The following NFIB variants were observed in gnomAD, a reference collection of about 807,000 sequenced individuals.
NFIB encodes the protein nuclear factor I B.
A neutral mutation model predicts 61.5 loss-of-function variants in NFIB; 11 were observed. The ratio of observed to expected loss-of-function variants is 0.18; its 90% CI spans 0.11 to 0.30. The LOEUF (loss-of-function observed/expected upper bound fraction) is 0.30. NFIB is among the 10% of genes least tolerant of loss of function. The pLI, the probability that NFIB is intolerant of heterozygous loss-of-function variation, is 1.00. For synonymous variants in NFIB, 260 were observed against 216.5 expected (o/e 1.20, Z -1.76); for missense variants, 471 against 608.9 (o/e 0.77, Z 2.38).
the NFIB span, among the ~76,000 whole-genome samples, chr9:14,463,872 G>T: frequency 6.6e-6 from 1 of 151,964 alleles, no homozygotes; most frequent in East Asian, 1.9e-4. Flanking sequence ...GTGTTAGCCA[G>T]GATGGCCTCG....
chr9:14,457,207 A>C, the NFIB span, among the ~76,000 whole-genome samples: 24 of 152,316 alleles, frequency 1.6e-4, 1 homozygote, highest in East Asian at 4.2e-3. Flanking sequence ...GGCTGTGGGA[A>C]GATGAACTGG....
chr9:14,177,575 A>G (rs1328680721), intron 3 of NFIB, among the ~76,000 whole-genome samples: 1 of 152,136 alleles, frequency 6.6e-6, no homozygotes, highest in Non-Finnish European at 1.5e-5. Flanking sequence ...ATAATTAAAT[A>G]AAATTCTAAT....
Position 14,359,664 on chromosome 9 carries a change from C to A in NFIB, c.108+38860G>T, listed in dbSNP as rs565860314. Among the ~76,000 whole-genome samples the A allele has an allele frequency of 4.4e-4, 67 of 152,168 alleles. 2 individuals are homozygous for A. In the Middle Eastern group the frequency reaches 0.017, roughly 39 times the overall value. Reference sequence around the variant, plus strand: ...AACTATTAATAATACACCAGCTCACCACTGCAGCACTAGTGTATGGTTGAG... The same window carrying A: ...AACTATTAATAATACACCAGCTCACAACTGCAGCACTAGTGTATGGTTGAG... On this transcript the variant is annotated intron_variant, in intron 1 of 8. Transcript: ENST00000380934.
Position 14,303,547 on chromosome 9 carries a change from T to C in NFIB, c.562+3442A>G, listed in dbSNP as rs1340155574. On this transcript the variant is annotated intron_variant, in intron 2 of 10. Coordinates refer to ENST00000380953, the MANE Select transcript of NFIB (RefSeq NM_001190737.2). ...TGTCCCAGTTTTTTTAGACAAAACC[T>C]AAAAAAAGGAAGAGTTTTATATTAG... Among the ~76,000 whole-genome samples the C allele has an allele frequency of 2.0e-5, 3 of 152,142 alleles. No individual in the cohort carries two copies. The East Asian group carries it at 5.8e-4, about 29-fold the overall frequency.
Position 14,307,562 on chromosome 9 carries a change from G to T in NFIB, c.31-42C>A. On this transcript the variant is annotated intron_variant, in intron 1 of 10. Coordinates refer to ENST00000380953, the MANE Select transcript of NFIB (RefSeq NM_001190737.2). This position sits in a 1 kb window ranked among gnomAD's most constrained non-coding sequence, Gnocchi z 5.3. ...GGTGAGGAAAAGATGTGCATAGTCA[G>T]TTTAATTTTAAAAGCTCAAAAAATA... 1 of 1,492,468 alleles carries T rather than the reference G, an allele frequency of 6.7e-7. No individual in the cohort carries two copies. The highest frequency in any genetic ancestry group is 1.5e-5 in the South Asian group (1 of 68,552). 92.5% of individuals were successfully genotyped at this position (1,492,468 alleles called of 1,614,324 possible).
At chr9:14,388,027 CAAG>C (rs1388545610) in intron 1 of NFIB, among the ~76,000 whole-genome samples, 1 of 151,900 alleles carries the variant, frequency 6.6e-6, no homozygotes. Flanking sequence ...TCTGTGTGCT[CAAG>C]AAGATGTACA....
At chr9:14,342,373 T>C (rs565647390) in intron 1 of NFIB, among the ~76,000 whole-genome samples, 1 of 151,878 alleles carries the variant, frequency 6.6e-6, no homozygotes, top group African/African-American at 2.4e-5. Context: ...GTGGCATGAA[T>C]TCCCTTTGCT....
At chr9:14,199,692 G>A (rs375625149) in intron 2 of NFIB, among the ~76,000 whole-genome samples, 42 of 152,242 alleles carry the variant, frequency 2.8e-4, no homozygotes, top group African/African-American at 9.6e-4. Flanking sequence ...CTTCCACTTG[G>A]TCATTTATTT....
chr9:14,323,335 T>A (rs2060706015), intron 1 of NFIB, among the ~76,000 whole-genome samples: 1 of 152,206 alleles, frequency 6.6e-6, no homozygotes, highest in Admixed American at 6.5e-5. Context: ...GCAAGCAGTT[T>A]TGATCAGCAT....
chr9:14,363,872 C>G (rs592182), intron 1 of NFIB, among the ~76,000 whole-genome samples: 152,067 of 152,280 alleles, frequency 1, 75,928 homozygotes, highest in Middle Eastern at 1. Flanking sequence ...TTGGTAAAAA[C>G]TTATCATCTT....
the NFIB span, among the ~76,000 whole-genome samples, chr9:14,527,793 C>G: frequency 1.3e-5 from 2 of 152,116 alleles, no homozygotes; most frequent in African/African-American, 2.4e-5. Flanking sequence ...CTATTAGTTT[C>G]TACCACATTT....
At chr9:14,242,820 G>A (rs1372086052) in intron 2 of NFIB, among the ~76,000 whole-genome samples, 1 of 152,178 alleles carries the variant, frequency 6.6e-6, no homozygotes, top group Non-Finnish European at 1.5e-5. Context: ...CCAAGATGGA[G>A]AGAAAAGAAA....
chr9:14,242,860 G>T (rs1375410527), intron 2 of NFIB, among the ~76,000 whole-genome samples: 1 of 152,150 alleles, frequency 6.6e-6, no homozygotes, highest in Admixed American at 6.5e-5. Flanking sequence ...TATTGAAATG[G>T]TTGTGATTTG....
At chr9:14,154,655 T>A (rs935979390) in intron 4 of NFIB, among the ~76,000 whole-genome samples, 2 of 152,130 alleles carry the variant, frequency 1.3e-5, no homozygotes, top group Admixed American at 6.6e-5. Context: ...AAAAGACCCA[T>A]GAGAGAAGTC....
chr9:14,281,031 G>A (rs559861210), intron 2 of NFIB, among the ~76,000 whole-genome samples: 65 of 152,228 alleles, frequency 4.3e-4, no homozygotes, highest in African/African-American at 1.5e-3. Context: ...GCCAAAATGG[G>A]ATATTATATT....
chr9:14,271,796 T>G (rs1172750280), intron 2 of NFIB, among the ~76,000 whole-genome samples: 2 of 152,120 alleles, frequency 1.3e-5, no homozygotes, highest in Non-Finnish European at 2.9e-5. Flanking sequence ...ACAAAGCCAT[T>G]TCACAGAGCA....
chr9:14,505,213 C>G, the NFIB span, among the ~76,000 whole-genome samples: 6 of 152,148 alleles, frequency 3.9e-5, no homozygotes, highest in African/African-American at 1.4e-4. Flanking sequence ...TTAGGGTTTT[C>G]TAGGTATATG....
At chr9:14,219,674 T>TA (rs938666005) in intron 2 of NFIB, among the ~76,000 whole-genome samples, 2 of 152,176 alleles carry the variant, frequency 1.3e-5, no homozygotes, top group Admixed American at 1.3e-4. Context: ...TGAGCAATGT[T>TA]AGAGATAAAT....
At position 14,127,546 on chromosome 9, in the gene NFIB, C is replaced by T. The variant is rs1356151733; in HGVS notation, c.926-1780G>A. On this transcript the variant is annotated intron_variant, in intron 6 of 10. Transcript: ENST00000380953. Reference sequence around the variant, plus strand: ...TGCTTCTAAGTAGTTCAGCATGTATCTCTAAAAGAAAATAAATCTTTATTA... The same window carrying T: ...TGCTTCTAAGTAGTTCAGCATGTATTTCTAAAAGAAAATAAATCTTTATTA... Among the ~76,000 whole-genome samples, 6 of 152,214 alleles carry T rather than the reference C, an allele frequency of 3.9e-5. No individual in the cohort carries two copies. In the East Asian group the frequency reaches 1.2e-3, roughly 29 times the overall value.
Sources: allele counts gnomAD v4.1 joint callset (sites outside exome capture counted in the v4.1 genomes callset), GRCh38; gene constraint gnomAD v4.1.1; non-coding constraint Gnocchi (gnomAD v3.1); transcripts MANE v1.5; gene names NCBI Gene and HGNC (gene_info 2026-07-23, HGNC 2026-07-21).